FARS2: variants seen among roughly 807,000 people sequenced by gnomAD.
The protein encoded by FARS2 is phenylalanyl-tRNA synthetase 2, mitochondrial.
Under a neutral mutation model 46.4 loss-of-function variants are expected in FARS2, and 40 were observed. The ratio of observed to expected loss-of-function variants is 0.86; its 90% CI spans 0.67 to 1.12. FARS2 has a LOEUF of 1.12. Ranked by LOEUF, FARS2 falls within the 50% of genes most tolerant of loss-of-function variation. FARS2 has a pLI of 0.00. For synonymous variants in FARS2, 234 were observed against 214.9 expected, an observed-to-expected ratio of 1.09 and a Z score of -0.78; for missense variants, 513 against 567.9, an observed-to-expected ratio of 0.90 and a Z score of 0.98.
At chr6:5,262,845 G>A (rs1765286970) in intron 1 of FARS2, among the ~76,000 whole-genome samples, 1 of 152,162 alleles carries the variant, frequency 6.6e-6, no homozygotes, top group African/African-American at 2.4e-5. Context: ...GGTTGGTCAG[G>A]TCATTGAGCA....
At chr6:5,731,972 C>G in intron 6 of FARS2, among the ~76,000 whole-genome samples, 1 of 152,264 alleles carries the variant, frequency 6.6e-6, no homozygotes, top group East Asian at 1.9e-4. Flanking sequence ...CCGCACCTGG[C>G]CCCCACACTC....
At chr6:5,679,194 C>T (rs780139939) in intron 6 of FARS2, among the ~76,000 whole-genome samples, 1 of 152,166 alleles carries the variant, frequency 6.6e-6, no homozygotes, top group Non-Finnish European at 1.5e-5. Context: ...GCAAACCTCT[C>T]AGTTTCTAAT....
At chr6:5,495,154 A>G (rs1767378287) in intron 4 of FARS2, among the ~76,000 whole-genome samples, 1 of 152,148 alleles carries the variant, frequency 6.6e-6, no homozygotes, top group African/African-American at 2.4e-5. Context: ...AATTATAGAA[A>G]CTGTAGAGGT....
At chr6:5,341,258 C>T (rs1349547042) in intron 1 of FARS2, among the ~76,000 whole-genome samples, 8 of 13,504 alleles carry the variant, frequency 5.9e-4, no homozygotes, top group Non-Finnish European at 1.1e-3. Context: ...TTTTTTTTTT[C>T]CCTGTGAGAG....
intron 5 of FARS2, among the ~76,000 whole-genome samples, chr6:5,595,273 C>T (rs1457450125): frequency 6.6e-6 from 1 of 152,118 alleles, no homozygotes; most frequent in Non-Finnish European, 1.5e-5. Flanking sequence ...TTTTATAATC[C>T]CTTCATACCT....
At chr6:5,379,681 T>G (rs1759626305) in intron 2 of FARS2, among the ~76,000 whole-genome samples, 2 of 152,126 alleles carry the variant, frequency 1.3e-5, no homozygotes, top group South Asian at 4.1e-4. Flanking sequence ...TTTGGGAGAC[T>G]TGTCTTGTGG....
chr6:5,281,145 G>A (rs1198881642), intron 1 of FARS2, among the ~76,000 whole-genome samples: 1 of 152,196 alleles, frequency 6.6e-6, no homozygotes, highest in Non-Finnish European at 1.5e-5. Flanking sequence ...TACATAGCAT[G>A]TATTGGTCAT....
chr6:5,493,187 T>A (rs1454471466), intron 4 of FARS2, among the ~76,000 whole-genome samples: 1 of 130,800 alleles, frequency 7.6e-6, no homozygotes, highest in Non-Finnish European at 1.5e-5. Context: ...CCAGCCTGGG[T>A]GACAAGAGGG....
chr6:5,741,559 G>A (rs1582864551), intron 6 of FARS2, among the ~76,000 whole-genome samples: 1 of 152,168 alleles, frequency 6.6e-6, no homozygotes, highest in South Asian at 2.1e-4. Context: ...CACTCCCATG[G>A]GGTCTATAAC....
chr6:5,719,071 A>G (rs17145799), intron 6 of FARS2, among the ~76,000 whole-genome samples: 4,109 of 152,264 alleles, frequency 0.027, 171 homozygotes, highest in African/African-American at 0.091. Flanking sequence ...CTACGGATTT[A>G]GTTATGCTCA....
chr6:5,639,932 C>T (rs1320242316), intron 6 of FARS2, among the ~76,000 whole-genome samples: 1 of 152,198 alleles, frequency 6.6e-6, no homozygotes, highest in Non-Finnish European at 1.5e-5. Context: ...CCCTGCTTTT[C>T]CTCAGTGGTC....
intron 6 of FARS2, among the ~76,000 whole-genome samples, chr6:5,614,890 A>C (rs1775390700): frequency 6.6e-6 from 1 of 152,204 alleles, no homozygotes; most frequent in Non-Finnish European, 1.5e-5. Flanking sequence ...TTTATACTTG[A>C]ATAACAGTTT....
chr6:5,500,558 G>A (rs916903557), intron 4 of FARS2, among the ~76,000 whole-genome samples: 8 of 152,150 alleles, frequency 5.3e-5, no homozygotes, highest in Non-Finnish European at 1.0e-4. Context: ...TACCTTCAGT[G>A]TTTTTCATCA....
chr6:5,697,896 TA>T (rs141981823), intron 6 of FARS2, among the ~76,000 whole-genome samples: 1,964 of 151,848 alleles, frequency 0.013, 49 homozygotes, highest in African/African-American at 0.044. Context: ...TTTTTTAATT[TA>T]AAAAAAAATC....
At chr6:5,561,356 G>A (rs1314876955) in intron 5 of FARS2, among the ~76,000 whole-genome samples, 1 of 151,910 alleles carries the variant, frequency 6.6e-6, no homozygotes, top group African/African-American at 2.4e-5. Flanking sequence ...GTTTCTGTGA[G>A]GGGTTATGAG....
chr6:5,767,625 G>A (rs1762821443), intron 6 of FARS2, among the ~76,000 whole-genome samples: 1 of 152,186 alleles, frequency 6.6e-6, no homozygotes, highest in South Asian at 2.1e-4. Context: ...GTGAGCATAG[G>A]TAAGTTACTT....
chr6:5,592,931 C>T (rs1287670206), intron 5 of FARS2, among the ~76,000 whole-genome samples: 2 of 152,208 alleles, frequency 1.3e-5, no homozygotes, highest in East Asian at 3.9e-4. Flanking sequence ...CACTGGGCCA[C>T]ACAGCGCCTG....
At chr6:5,740,078 A>C (rs1169919881) in intron 6 of FARS2, among the ~76,000 whole-genome samples, 3 of 152,224 alleles carry the variant, frequency 2.0e-5, no homozygotes, top group South Asian at 2.1e-4. Flanking sequence ...CGACCACTGC[A>C]TGGTTTTAGT....
intron 5 of FARS2, among the ~76,000 whole-genome samples, chr6:5,576,087 G>A (rs377529597): frequency 4.9e-4 from 74 of 152,186 alleles, no homozygotes; most frequent in Middle Eastern, 3.4e-3. Context: ...AAACGATTGA[G>A]TCTCATCACA....
Sources: gnomAD v4.1 joint callset for allele counts (sites outside exome capture counted in the v4.1 genomes callset) on GRCh38, gnomAD v4.1.1 for gene constraint, MANE v1.5 for transcripts, NCBI Gene and HGNC (gene_info 2026-07-23, HGNC 2026-07-21) for gene names.